The following GRIK4 variants were observed in gnomAD, a reference collection of about 807,000 sequenced individuals.
GRIK4 encodes glutamate receptor ionotropic, kainate 4.
A neutral mutation model predicts 104.9 loss-of-function variants in GRIK4; 40 were observed. The observed-to-expected ratio is 0.38, with a 90% CI of 0.30 to 0.50. The LOEUF (loss-of-function observed/expected upper bound fraction) is 0.50. Among genes scored for constraint, GRIK4 ranks in the 20% least tolerant of loss-of-function variants. GRIK4 has a pLI of 0.93. For synonymous variants in GRIK4, 485 were observed against 524.9 expected (o/e 0.92, Z 1.04); for missense variants, 1,047 against 1,308.1 (o/e 0.80, Z 3.08).
intron 8 of GRIK4, among the ~76,000 whole-genome samples, chr11:120,860,540 A>G (rs141541776): frequency 4.6e-5 from 7 of 152,162 alleles, no homozygotes; most frequent in Non-Finnish European, 7.4e-5. Flanking sequence ...TGACTGCGTC[A>G]TCTAAAGTAG....
Position 120,986,324 on chromosome 11 carries a change from T to TGCTGTCA in GRIK4, c.*67_*73dup. 1.4e-6 allele frequency: 2 copies of TGCTGTCA among 1,414,546 alleles called. No homozygotes were observed. Among genetic ancestry groups the TGCTGTCA allele is most frequent in the Non-Finnish European group, 1.8e-6 (2 of 1,090,460 alleles). 87.6% of individuals were successfully genotyped at this position (1,414,546 alleles called of 1,614,324 possible). ...GGGAGGGGAGGGGCGGGGCGGGCGC[T>TGCTGTCA]GCTGTCAGCCGCCAGCCGGAACTTG... On this transcript the variant is annotated 3_prime_UTR_variant, in exon 21 of 21. Transcript: ENST00000527524.
chr11:120,786,572 C>T (rs967965588), intron 3 of GRIK4, among the ~76,000 whole-genome samples: 2 of 152,010 alleles, frequency 1.3e-5, no homozygotes, highest in African/African-American at 4.8e-5. Flanking sequence ...GTTGTGACAT[C>T]TGCCTGCCTT....
chr11:120,526,383 T>C (rs1029778216), intron 1 of GRIK4, among the ~76,000 whole-genome samples: 17 of 152,286 alleles, frequency 1.1e-4, no homozygotes, highest in Middle Eastern at 3.4e-3. Context: ...ATTTTTTCTT[T>C]CTAGAGACAG....
intron 8 of GRIK4, among the ~76,000 whole-genome samples, chr11:120,847,883 G>T (rs1183711513): frequency 6.6e-6 from 1 of 152,198 alleles, no homozygotes; most frequent in Non-Finnish European, 1.5e-5. Flanking sequence ...CTGTCAATAG[G>T]TGTCCCTCTT....
intron 13 of GRIK4, among the ~76,000 whole-genome samples, chr11:120,921,425 T>C (rs1029215895): frequency 1.2e-4 from 18 of 152,230 alleles, no homozygotes; most frequent in African/African-American, 3.6e-4. Flanking sequence ...GCCAAAGCAC[T>C]TGGAGCCTGG....
intron 3 of GRIK4, among the ~76,000 whole-genome samples, chr11:120,767,257 A>C (rs1359984151): frequency 6.6e-6 from 1 of 152,234 alleles, no homozygotes; most frequent in South Asian, 2.1e-4. Context: ...TACAATTGTG[A>C]AGTGAAATCG....
chr11:120,896,369 G>T (rs1592053956), intron 11 of GRIK4, among the ~76,000 whole-genome samples: 1 of 152,246 alleles, frequency 6.6e-6, no homozygotes, highest in African/African-American at 2.4e-5. Context: ...TTGTATGGAT[G>T]TGTATGAGGC....
chr11:120,904,636 C>T (rs1360644772), intron 12 of GRIK4, among the ~76,000 whole-genome samples: 1 of 152,234 alleles, frequency 6.6e-6, no homozygotes, highest in Non-Finnish European at 1.5e-5. Context: ...CCTCCCATCT[C>T]GCCCCTGCTC....
chr11:120,675,362 A>G (rs917590555), intron 3 of GRIK4, among the ~76,000 whole-genome samples: 4 of 152,172 alleles, frequency 2.6e-5, no homozygotes, highest in African/African-American at 9.6e-5. Flanking sequence ...TTCATAGCCT[A>G]GTCTGGCCTG....
Position 120,831,801 on chromosome 11 carries a change from C to T in GRIK4, c.512-51C>T, listed in dbSNP as rs576999490. ...CCTTCCTGCTTCTGCCCAGGTGTCT[C>T]TAGAGGCAGCTCTGTGGACCCTCAG... On this transcript the variant is annotated intron_variant, in intron 6 of 20. Coordinates refer to ENST00000527524, the MANE Select transcript of GRIK4 (RefSeq NM_014619.5). 8.1e-6 allele frequency: 12 copies of T among 1,479,316 alleles called. No homozygotes were observed. In the African/African-American group the frequency reaches 1.5e-4, roughly 19 times the overall value. 91.6% of individuals were successfully genotyped at this position (1,479,316 alleles called of 1,614,324 possible).
chr11:120,568,233 C>A (rs1273033891), intron 1 of GRIK4, among the ~76,000 whole-genome samples: 1 of 152,144 alleles, frequency 6.6e-6, no homozygotes, highest in Non-Finnish European at 1.5e-5. Context: ...GACTCACAAC[C>A]TCTTAAGGGG....
intron 13 of GRIK4, among the ~76,000 whole-genome samples, chr11:120,932,126 C>G (rs537708391): frequency 5.3e-5 from 8 of 152,026 alleles, no homozygotes; most frequent in Admixed American, 1.3e-4. Context: ...ATATAACCCC[C>G]CTATAAACAC....
chr11:120,798,157 C>CTTAT (rs1952556679), intron 3 of GRIK4, among the ~76,000 whole-genome samples: 1 of 68,086 alleles, frequency 1.5e-5, no homozygotes, highest in Admixed American at 2.3e-4. Context: ...TCTGCTGTCT[C>CTTAT]TTTTTTTTTT....
intron 1 of GRIK4, among the ~76,000 whole-genome samples, chr11:120,619,060 C>A (rs527613761): frequency 2.6e-4 from 40 of 152,308 alleles, no homozygotes; most frequent in African/African-American, 9.6e-4. Context: ...AGGCACTCAA[C>A]GCCAGCCCTT....
chr11:120,645,750 C>T (rs868538366), intron 1 of GRIK4, among the ~76,000 whole-genome samples: 1 of 152,230 alleles, frequency 6.6e-6, no homozygotes, highest in African/African-American at 2.4e-5. Context: ...CCCTATCTGG[C>T]GCCCGCCTTC....
At chr11:120,568,083 C>G (rs745721538) in intron 1 of GRIK4, among the ~76,000 whole-genome samples, 1 of 152,034 alleles carries the variant, frequency 6.6e-6, no homozygotes, top group Non-Finnish European at 1.5e-5. Flanking sequence ...GAGGTTGAGG[C>G]GGGAGGATTG....
intron 9 of GRIK4, chr11:120,870,871 C>T (rs1190432086): frequency 6.6e-6 from 1 of 152,252 alleles, no homozygotes; most frequent in Admixed American, 6.5e-5. Context: ...CTCAGCCTCC[C>T]GAGTAGCTGG....
intron 5 of GRIK4, among the ~76,000 whole-genome samples, chr11:120,816,751 GT>G (rs148215322): frequency 0.019 from 2,910 of 152,224 alleles, 83 homozygotes; most frequent in African/African-American, 0.064. Context: ...GCACGTTTAA[GT>G]GCCGCGATCC....
At chr11:120,829,923 G>A (rs1953376712) in intron 6 of GRIK4, among the ~76,000 whole-genome samples, 1 of 152,216 alleles carries the variant, frequency 6.6e-6, no homozygotes, top group African/African-American at 2.4e-5. Flanking sequence ...GCAGCAGAGA[G>A]TCTTTACAAG....
Sources: allele counts gnomAD v4.1 joint callset (sites outside exome capture counted in the v4.1 genomes callset), GRCh38; gene constraint gnomAD v4.1.1; transcripts MANE v1.5; gene names NCBI Gene and HGNC (gene_info 2026-07-23, HGNC 2026-07-21).